Variants in CCDC175 observed in about 807,000 individuals in gnomAD.
CCDC175 encodes coiled-coil domain containing 175.
In CCDC175, 100 loss-of-function variants were observed where a neutral mutation model predicts 114.6. The observed-to-expected ratio is 0.87, with a 90% CI of 0.74 to 1.03. The LOEUF (loss-of-function observed/expected upper bound fraction) is 1.03. Among genes scored for constraint, CCDC175 ranks in the 50% least tolerant of loss-of-function variants. The pLI is 0.00. For synonymous variants in CCDC175, 306 were observed against 308.7 expected (o/e 0.99, Z 0.09); for missense variants, 880 against 917.8 (o/e 0.96, Z 0.53).
chr14:59,549,345 T>C (rs1359305494), intron 8 of CCDC175, among the ~76,000 whole-genome samples: 2 of 152,164 alleles, frequency 1.3e-5, no homozygotes, highest in African/African-American at 4.8e-5. Flanking sequence ...GCGACCTGTC[T>C]CTGCAAATAA....
chr14:59,508,360 G>C (rs1345296563), intron 19 of CCDC175, among the ~76,000 whole-genome samples: 1 of 141,904 alleles, frequency 7.0e-6, no homozygotes, highest in Admixed American at 7.4e-5. Flanking sequence ...AGGAGGTCAA[G>C]ACCAGCCTGG....
chr14:59,526,121 A>T (rs898280743), intron 15 of CCDC175, among the ~76,000 whole-genome samples: 31 of 152,166 alleles, frequency 2.0e-4, no homozygotes, highest in Admixed American at 5.9e-4. Context: ...AGAATTCTCT[A>T]ATGTTTTCTC....
chr14:59,552,345 C>G (rs1056132845), intron 7 of CCDC175, among the ~76,000 whole-genome samples: 1 of 152,222 alleles, frequency 6.6e-6, no homozygotes, highest in African/African-American at 2.4e-5. Context: ...GCTGCTGACA[C>G]CCAGGCAAAC....
chr14:59,507,491 G>C (rs1362741793), intron 19 of CCDC175, among the ~76,000 whole-genome samples: 1 of 152,190 alleles, frequency 6.6e-6, no homozygotes, highest in Admixed American at 6.5e-5. Context: ...TCCTGGAGAG[G>C]GCAGGACCTG....
At position 59,534,567 on chromosome 14, in the gene CCDC175, T is replaced by A. The variant is rs117777914; in HGVS notation, c.1624-2657A>T. Among the ~76,000 whole-genome samples, 205 of 152,322 alleles carry A rather than the reference T, an allele frequency of 1.3e-3. 7 individuals carry two copies. In the East Asian group the frequency reaches 0.036, roughly 27 times the overall value. ...CAGACTGTGTAACTAGATATCACAG[T>A]TGCAGAAGGTCAAGTCCTATAATAA... On this transcript the variant is annotated intron_variant, in intron 13 of 19. Coordinates refer to ENST00000537690, the MANE Select transcript of CCDC175 (RefSeq NM_001164399.2).
intron 14 of CCDC175, among the ~76,000 whole-genome samples, chr14:59,531,070 T>C (rs1473189275): frequency 6.6e-6 from 1 of 151,612 alleles, no homozygotes; most frequent in Admixed American, 6.6e-5. Flanking sequence ...AGCCCAGGAG[T>C]TTGAGATTAG....
intron 17 of CCDC175, among the ~76,000 whole-genome samples, chr14:59,515,533 C>A (rs1893027043): frequency 6.6e-6 from 1 of 152,098 alleles, no homozygotes; most frequent in African/African-American, 2.4e-5. Flanking sequence ...TCTCATAAAA[C>A]AGACTTTAAA....
intron 13 of CCDC175, among the ~76,000 whole-genome samples, chr14:59,533,246 C>G (rs1469354981): frequency 1.3e-5 from 2 of 152,204 alleles, no homozygotes; most frequent in African/African-American, 4.8e-5. Flanking sequence ...AGCCACCAAA[C>G]CCAGGGAAGC....
intron 9 of CCDC175, among the ~76,000 whole-genome samples, chr14:59,544,508 C>T (rs995895307): frequency 1.3e-5 from 2 of 152,094 alleles, no homozygotes; most frequent in Non-Finnish European, 2.9e-5. Flanking sequence ...TTCCAAACTG[C>T]TGTGGACTGA....
intron 3 of CCDC175, among the ~76,000 whole-genome samples, chr14:59,570,116 G>A (rs951574293): frequency 6.6e-6 from 1 of 152,126 alleles, no homozygotes; most frequent in African/African-American, 2.4e-5. Flanking sequence ...AACTACCCAA[G>A]GGGGTGCCAG....
chr14:59,518,306 C>A (rs889988902), intron 17 of CCDC175, among the ~76,000 whole-genome samples: 37 of 152,150 alleles, frequency 2.4e-4, no homozygotes, highest in East Asian at 3.9e-4. Flanking sequence ...GCAACAAAAG[C>A]CAAAATTGAC....
intron 13 of CCDC175, among the ~76,000 whole-genome samples, chr14:59,533,987 TAA>T (rs3084296): frequency 0.4 from 53,918 of 133,466 alleles, 10,917 homozygotes; most frequent in African/African-American, 0.53. Flanking sequence ...AGACCCCTTT[TAA>T]AAAAAAAAAA....
intron 14 of CCDC175, among the ~76,000 whole-genome samples, chr14:59,530,463 G>T (rs1220080554): frequency 6.8e-6 from 1 of 147,354 alleles, no homozygotes; most frequent in African/African-American, 2.5e-5. Context: ...GGAGAGGAGG[G>T]GAGGGGAGGG....
chr14:59,561,691 T>C (rs998418408), intron 6 of CCDC175, among the ~76,000 whole-genome samples: 3 of 152,158 alleles, frequency 2.0e-5, no homozygotes, highest in African/African-American at 7.2e-5. Context: ...TTAATCAAAA[T>C]TTAGGAAATG....
At chr14:59,550,796 T>C (rs1895422727) in intron 8 of CCDC175, among the ~76,000 whole-genome samples, 1 of 152,258 alleles carries the variant, frequency 6.6e-6, no homozygotes, top group Non-Finnish European at 1.5e-5. Flanking sequence ...CTGGCCGCAC[T>C]GGCAGCTGAT....
chr14:59,553,970 C>A (rs1895701078), intron 7 of CCDC175, among the ~76,000 whole-genome samples: 1 of 152,094 alleles, frequency 6.6e-6, no homozygotes, highest in Non-Finnish European at 1.5e-5. Flanking sequence ...TAAAGCAAGT[C>A]CTTAGAGACC....
chr14:59,551,162 G>C, intron 8 of CCDC175, 193 bp downstream of exon 8: 1 of 406,094 alleles, frequency 2.5e-6, no homozygotes, highest in Non-Finnish European at 4.3e-6. Context: ...TCTGTACATG[G>C]ACAACCTTTG....
intron 7 of CCDC175, 129 bp from the exon 8 acceptor site, chr14:59,551,565 T>C (rs1895485754): frequency 4.0e-6 from 2 of 499,092 alleles, no homozygotes; most frequent in African/African-American, 2.0e-5. Context: ...GGGTGATTTC[T>C]GCATTTCCAA....
intron 16 of CCDC175, among the ~76,000 whole-genome samples, chr14:59,523,978 G>C (rs1005665260): frequency 6.7e-6 from 1 of 148,878 alleles, no homozygotes; most frequent in Non-Finnish European, 1.5e-5. Context: ...GACAGAGCAA[G>C]ACTCCGTCTC....
Sources: allele counts gnomAD v4.1 joint callset (sites outside exome capture counted in the v4.1 genomes callset), GRCh38; gene constraint gnomAD v4.1.1; transcripts MANE v1.5; gene names NCBI Gene and HGNC (gene_info 2026-07-23, HGNC 2026-07-21).